Variants in ZDHHC24 observed in about 807,000 individuals in gnomAD.
ZDHHC24 encodes zDHHC palmitoyltransferase 24.
Under a neutral mutation model 23.2 loss-of-function variants are expected in ZDHHC24, and 17 were observed. The observed-to-expected ratio is 0.73, with a 90% CI of 0.50 to 1.10. The LOEUF is 1.10. ZDHHC24 is among the 50% of genes least tolerant of loss of function. The pLI, the probability that ZDHHC24 is intolerant of heterozygous loss-of-function variation, is 0.00. For missense variants in ZDHHC24, 366 were observed against 393.0 expected (o/e 0.93, Z 0.58); for synonymous variants, 186 against 194.5 (o/e 0.96, Z 0.36).
intron 2 of ZDHHC24, chr11:66,529,749 GTGCCCCGTTGC>G: frequency 6.3e-7 from 1 of 1,584,638 alleles, no homozygotes; most frequent in Non-Finnish European, 8.6e-7. Context: ...CTGAGCAGGA[GTGCCCCGTTGC>G]TGCCTCCTCC....
At position 66,539,474 on chromosome 11, in the gene ZDHHC24, G is replaced by T; in HGVS notation, c.*55C>A. On this transcript the variant is annotated 3_prime_UTR_variant, in exon 3 of 3. Transcript: ENST00000310442. ...CCCGACTTCCTTACTGAGTCTAGGTGTGGGGGCCCCCCTCTCACCCCTTCC... is the reference window on the plus strand; with the variant it reads ...CCCGACTTCCTTACTGAGTCTAGGTTTGGGGGCCCCCCTCTCACCCCTTCC... The T allele has an allele frequency of 3.4e-6, 5 of 1,479,604 alleles. No individual in the cohort carries two copies. The highest frequency in any genetic ancestry group is 4.5e-6 in the Non-Finnish European group (5 of 1,117,244). The allele number at this position is 1,479,604 out of a possible 1,614,324, so 91.7% of individuals were successfully genotyped here.
intron 2 of ZDHHC24, chr11:66,529,548 G>C: frequency 1.4e-6 from 1 of 703,832 alleles, no homozygotes; most frequent in Non-Finnish European, 2.6e-6. Context: ...GAGAACACCA[G>C]CCTCTAGGGC....
At chr11:66,521,555 T>G in intron 4 of ZDHHC24, 1 of 656,744 alleles carries the variant, frequency 1.5e-6, no homozygotes, top group Non-Finnish European at 2.7e-6. Flanking sequence ...GCTTGTGAGA[T>G]AGGGGCTGGC....
exon 5 of ZDHHC24, chr11:66,521,086 G>A (rs1856194283): frequency 1.5e-6 from 1 of 653,794 alleles, no homozygotes; most frequent in South Asian, 1.7e-5. Flanking sequence ...AAAAGGCACA[G>A]ACTAAAAGGC....
chr11:66,534,869 G>A (rs1394825873), downstream of ZDHHC24, among the ~76,000 whole-genome samples: 1 of 150,620 alleles, frequency 6.6e-6, no homozygotes, highest in African/African-American at 2.4e-5. Flanking sequence ...CTAATTTTTC[G>A]TATTTTTAGT....
rs1250014324 is a variant in ZDHHC24 at position 66,538,101 on chromosome 11, A to T, written c.*1428T>A. Reference sequence around the variant, plus strand: ...CCCTGTCTATACTAAAAATACAAAAAAATTAGCTGGGCATGGCCAGGCGCA... The same window carrying T: ...CCCTGTCTATACTAAAAATACAAAATAATTAGCTGGGCATGGCCAGGCGCA... On this transcript the variant is annotated 3_prime_UTR_variant, in exon 3 of 3. Transcript: ENST00000310442. 6.6e-6 allele frequency: 1 copy of T among 151,768 alleles called. No individual in the cohort carries two copies. The highest frequency in any genetic ancestry group is 1.5e-5 in the Non-Finnish European group (1 of 67,950). 9.4% of individuals were successfully genotyped at this position (151,768 alleles called of 1,614,324 possible).
chr11:66,539,218 C>A lies in ZDHHC24; in HGVS notation c.*311G>T, dbSNP rs1455765380. On this transcript the variant is annotated 3_prime_UTR_variant, in exon 3 of 3. Coordinates refer to ENST00000310442, the MANE Select transcript of ZDHHC24 (RefSeq NM_207340.3). ...AGGGTCCCAGAAACAGCCCCAGCAA[C>A]AAAGTGAGGGGCCAGAAACTATGCA... 2.8e-6 allele frequency: 3 copies of A among 1,078,694 alleles called. No homozygotes were observed. In the African/African-American group the frequency reaches 5.0e-5, roughly 18 times the overall value. The allele number at this position is 1,078,694 out of a possible 1,614,324, so 66.8% of individuals were successfully genotyped here.
At position 66,526,943 on chromosome 11, in the gene ZDHHC24, A is replaced by C. The variant is rs1590773458; in HGVS notation, c.*14T>G. ...ACTAGGTAGGTCACTCACCTCTGCA[A>C]ATCCAGGGACAGCCTAGGAGGTACA... On this transcript the variant is annotated 3_prime_UTR_variant, in exon 4 of 5. Transcript: ENST00000526986. 36 of 1,588,632 alleles carry C rather than the reference A, an allele frequency of 2.3e-5. No homozygotes were observed. In the East Asian group the frequency reaches 8.2e-4, roughly 36 times the overall value.
At position 66,539,747 on chromosome 11, in the gene ZDHHC24, C is replaced by T. The variant is rs749734201; in HGVS notation, c.637G>A (p.Gly213Arg). 1.9e-6 allele frequency: 3 copies of T among 1,613,166 alleles called. No individual in the cohort carries two copies. The highest frequency in any genetic ancestry group is 2.5e-6 in the Non-Finnish European group (3 of 1,179,872). Residue 213 changes from glycine to arginine, a missense_variant, in exon 3 of 3, where the codon GGG becomes AGG. Transcript: ENST00000310442. ...AGCAGCATCCCATGGAAGAGCAGCCCAGCCCCGCACAGCAGCGCACCCGCC... is the reference window on the plus strand; with the variant it reads ...AGCAGCATCCCATGGAAGAGCAGCCTAGCCCCGCACAGCAGCGCACCCGCC... ...CVAGALLCGA[G>R]LLFHGMLLLR...
Position 66,538,881 on chromosome 11 carries a change from A to C in ZDHHC24, c.*648T>G, listed in dbSNP as rs1857060934. 1 of 152,236 alleles carries C rather than the reference A, an allele frequency of 6.6e-6. No homozygotes were observed. Among genetic ancestry groups the C allele is most frequent in the African/African-American group, 2.4e-5 (1 of 41,406 alleles). 9.4% of individuals were successfully genotyped at this position (152,236 alleles called of 1,614,324 possible). A position where few individuals can be genotyped will look rare whatever the true frequency, so the allele number is the denominator to read the frequency against. ...CCTCCAGCTGTGCAAGGGTAAAGGCAAAAGCACAAAGACCTGGGTTGGACC... is the reference window on the plus strand; with the variant it reads ...CCTCCAGCTGTGCAAGGGTAAAGGCCAAAGCACAAAGACCTGGGTTGGACC... On this transcript the variant is annotated 3_prime_UTR_variant, in exon 3 of 3. Transcript: ENST00000310442.
In ZDHHC24 at chr11:66,541,886, G is replaced by T. The variant is rs140975694; in HGVS notation, c.559+1818C>A. Reference sequence around the variant, plus strand: ...AGGGAATGAGCAGCCATGAGCCTGGGCAAGTCCCTTGGGAAGCTTAGAGCA... The same window carrying T: ...AGGGAATGAGCAGCCATGAGCCTGGTCAAGTCCCTTGGGAAGCTTAGAGCA... On this transcript the variant is annotated intron_variant, in intron 2 of 2. Coordinates refer to ENST00000310442, the MANE Select transcript of ZDHHC24 (RefSeq NM_207340.3). Among the ~76,000 whole-genome samples, 1,124 of 152,024 alleles carry T rather than the reference G, an allele frequency of 7.4e-3. 16 individuals are homozygous for T. Among genetic ancestry groups the T allele is most frequent in the African/African-American group, 0.025 (1,056 of 41,474 alleles).
chr11:66,526,228 C>A, intron 4 of ZDHHC24: 3 of 1,597,506 alleles, frequency 1.9e-6, no homozygotes, highest in South Asian at 2.2e-5. Context: ...GCTTTGAAGT[C>A]GGGAGTGAAG....
At chr11:66,526,087 A>G (rs770156220) in intron 4 of ZDHHC24, 1 of 1,608,990 alleles carries the variant, frequency 6.2e-7, no homozygotes, top group South Asian at 1.1e-5. Flanking sequence ...CCTCTCCAAG[A>G]TATTTCCCCA....
intron 2 of ZDHHC24, among the ~76,000 whole-genome samples, chr11:66,530,224 T>C (rs1474629828): frequency 6.6e-6 from 1 of 152,168 alleles, no homozygotes; most frequent in East Asian, 1.9e-4. Flanking sequence ...AATAGTCATA[T>C]TAGGACATTT....
chr11:66,534,759 G>A (rs935091733), downstream of ZDHHC24, among the ~76,000 whole-genome samples: 8 of 151,946 alleles, frequency 5.3e-5, 1 homozygote, highest in Admixed American at 4.6e-4. Flanking sequence ...GCAGTGGCGC[G>A]GTCTCGGCTC....
intron 4 of ZDHHC24, chr11:66,526,897 A>G: frequency 1.2e-6 from 2 of 1,611,972 alleles, no homozygotes; most frequent in South Asian, 2.2e-5. Flanking sequence ...CTCCCTGTGC[A>G]CTGGGAGGAG....
intron 4 of ZDHHC24, among the ~76,000 whole-genome samples, chr11:66,521,883 TA>T (rs1590763348): frequency 6.7e-5 from 6 of 89,346 alleles, no homozygotes; most frequent in African/African-American, 1.8e-4. Context: ...CCAGCCTGGG[TA>T]ACGGAGCGAG....
chr11:66,535,092 C>T (rs1856920236), downstream of ZDHHC24, among the ~76,000 whole-genome samples: 1 of 152,126 alleles, frequency 6.6e-6, no homozygotes, highest in African/African-American at 2.4e-5. Flanking sequence ...AGGGTTTTAC[C>T]ATGTTGGCCA....
intron 4 of ZDHHC24, among the ~76,000 whole-genome samples, chr11:66,525,431 T>G (rs1247475313): frequency 6.6e-6 from 1 of 151,716 alleles, no homozygotes; most frequent in African/African-American, 2.4e-5. Flanking sequence ...CCAAGCATGG[T>G]GGTGCATGCC....
Sources: allele counts gnomAD v4.1 joint callset (sites outside exome capture counted in the v4.1 genomes callset), GRCh38; gene constraint gnomAD v4.1.1; transcripts MANE v1.5; gene names NCBI Gene and HGNC (gene_info 2026-07-23, HGNC 2026-07-21).